Variants in LMO3 observed in about 807,000 individuals in gnomAD.
The protein encoded by LMO3 is LIM domain only 3, also known as LIM domain only protein 3.
In LMO3, 2 loss-of-function variants were observed where a neutral mutation model predicts 15.8. That is an observed-to-expected ratio of 0.13 (90% CI 0.05 to 0.40). The LOEUF (loss-of-function observed/expected upper bound fraction) is 0.40, where lower values mean the gene tolerates loss of function less well. Ranked by LOEUF, LMO3 falls within the 10% of genes least tolerant of loss-of-function variation. The probability of loss-of-function intolerance (pLI) is 0.99; values close to 1 mark genes in which losing one functional copy is unlikely to be tolerated. For synonymous variants in LMO3, 62 were observed against 63.8 expected (o/e 0.97, Z 0.13); for missense variants, 86 against 182.2 (o/e 0.47, Z 3.04).
rs1248793873 is a variant in LMO3, at chr12:16,603,631, T to C, written c.-9+2435A>G. Among the ~76,000 whole-genome samples, 1 of 152,158 alleles carries C rather than the reference T, an allele frequency of 6.6e-6. No homozygotes were observed. Among genetic ancestry groups the C allele is most frequent in the Non-Finnish European group, 1.5e-5 (1 of 68,014 alleles). ...ATAATTAAAAAAAAGACATAAATAATAGCCTGTGCAGTGTGGTGTGCAGAA... is the reference window on the plus strand; with the variant it reads ...ATAATTAAAAAAAAGACATAAATAACAGCCTGTGCAGTGTGGTGTGCAGAA... On this transcript the variant is annotated intron_variant, in intron 1 of 3. Coordinates refer to ENST00000537304, the MANE Select transcript of LMO3 (RefSeq NM_018640.5). The surrounding 1 kb of genome is among the most constrained non-coding windows in gnomAD (Gnocchi z 4.9).
chr12:16,576,931 A>G lies in LMO3; in HGVS notation c.207-16393T>C, dbSNP rs1043208612. Among the ~76,000 whole-genome samples, 2 of 152,206 alleles carry G rather than the reference A, an allele frequency of 1.3e-5. No homozygotes were observed. The highest frequency in any genetic ancestry group is 3.8e-4 in the East Asian group (2 of 5,198). ...CCCCACGTTCTTTCCTAAACTATCT[A>G]TTTTAGAAATAACCCAATAAGGGCA... On this transcript the variant is annotated intron_variant, in intron 2 of 3. Coordinates refer to ENST00000537304, the MANE Select transcript of LMO3 (RefSeq NM_018640.5). This position sits in a 1 kb window ranked among gnomAD's most constrained non-coding sequence, Gnocchi z 4.1.
At chr12:16,605,840 C>T in intron 1 of LMO3, 1 of 1,534,700 alleles carries the variant, frequency 6.5e-7, no homozygotes, top group Non-Finnish European at 8.7e-7. Context: ...TTTCATGTCT[C>T]ATCATAAAAA....
At chr12:16,556,810 C>T (rs776613593) in intron 3 of LMO3, among the ~76,000 whole-genome samples, 4 of 152,004 alleles carry the variant, frequency 2.6e-5, no homozygotes, top group South Asian at 4.2e-4. Context: ...GCTGACTTCC[C>T]GCATTAGTTT....
chr12:16,610,095 G>T (rs1404253630), upstream of LMO3: 2 of 151,492 alleles, frequency 1.3e-5, no homozygotes, highest in Non-Finnish European at 2.9e-5. Flanking sequence ...ACAAATGAAA[G>T]AAACCTCTGC....
At position 16,596,905 on chromosome 12, in the gene LMO3, T is replaced by C. The variant is rs956594164; in HGVS notation, c.206+3750A>G. 1.3e-5 allele frequency among the ~76,000 whole-genome samples: 2 copies of C among 151,714 alleles called. No individual in the cohort carries two copies. The highest frequency in any genetic ancestry group is 3.0e-5 in the Non-Finnish European group (2 of 67,712). ...TATCTAATTTGTCATAAGTTACTCT[T>C]CAAAAAAATAAAAATAATTATAAAT... On this transcript the variant is annotated intron_variant, in intron 2 of 3. Transcript: ENST00000537304. The surrounding 1 kb of genome is among the most constrained non-coding windows in gnomAD (Gnocchi z 4.3).
chr12:16,601,742 C>T (rs1215751442), intron 1 of LMO3: 1 of 151,864 alleles, frequency 6.6e-6, no homozygotes, highest in Non-Finnish European at 1.5e-5. Context: ...CTATGCTAAA[C>T]ATAGAAACAT....
intron 2 of LMO3, among the ~76,000 whole-genome samples, chr12:16,580,813 G>T (rs570580435): frequency 2.6e-5 from 4 of 152,208 alleles, no homozygotes; most frequent in Middle Eastern, 3.4e-3. Flanking sequence ...AATTTTTCAC[G>T]ATGTTCTTAT....
At chr12:16,577,407 A>G (rs1432789979) in intron 2 of LMO3, among the ~76,000 whole-genome samples, 1 of 152,146 alleles carries the variant, frequency 6.6e-6, no homozygotes, top group Admixed American at 6.5e-5. Context: ...GTTGGCAGTT[A>G]TTCTTCATTA....
In LMO3 at chr12:16,596,973, G is replaced by T. The variant is rs535753437; in HGVS notation, c.206+3682C>A. On this transcript the variant is annotated intron_variant, in intron 2 of 3. Coordinates refer to ENST00000537304, the MANE Select transcript of LMO3 (RefSeq NM_018640.5). This position sits in a 1 kb window ranked among gnomAD's most constrained non-coding sequence, Gnocchi z 4.3. The stretch of plus-strand genomic sequence containing the variant: ...AACAGATACATTTCTTGGTCTGCCT[G>T]GCATATAAATATTGACTGGGTAGAT... Among the ~76,000 whole-genome samples the T allele has an allele frequency of 1.1e-4, 17 of 151,796 alleles. No individual in the cohort carries two copies. The highest frequency in any genetic ancestry group is 2.1e-4 in the Non-Finnish European group (14 of 67,706).
chr12:16,605,130 T>C, intron 1 of LMO3: 1 of 1,408,952 alleles, frequency 7.1e-7, no homozygotes, highest in Non-Finnish European at 9.2e-7. Context: ...CCTCGCAGTG[T>C]GCAAAATGAT....
At chr12:16,557,934 C>A (rs1434925753) in intron 3 of LMO3, among the ~76,000 whole-genome samples, 1 of 151,938 alleles carries the variant, frequency 6.6e-6, no homozygotes, top group African/African-American at 2.4e-5. Flanking sequence ...TCATAAGGTC[C>A]ATTTTTATAT....
chr12:16,581,799 T>C (rs1436943600), intron 2 of LMO3, among the ~76,000 whole-genome samples: 1 of 152,098 alleles, frequency 6.6e-6, no homozygotes, highest in Non-Finnish European at 1.5e-5. Flanking sequence ...TATATTTTAA[T>C]AATTGTATTA....
chr12:16,589,513 T>A lies in LMO3; in HGVS notation c.206+11142A>T, dbSNP rs1245196533. Reference sequence around the variant, plus strand: ...AATTAATTTAAAATCTCCTGAAAAATTATGTCTTTTTTAGGTTGCTGCAGA... The same window carrying A: ...AATTAATTTAAAATCTCCTGAAAAAATATGTCTTTTTTAGGTTGCTGCAGA... On this transcript the variant is annotated intron_variant, in intron 2 of 3. Coordinates refer to ENST00000537304, the MANE Select transcript of LMO3 (RefSeq NM_018640.5). The surrounding 1 kb of genome is among the most constrained non-coding windows in gnomAD (Gnocchi z 4.2). The A allele has an allele frequency of 6.6e-6, 1 of 152,070 alleles. No homozygotes were observed. The highest frequency in any genetic ancestry group is 1.5e-5 in the Non-Finnish European group (1 of 67,994). 9.4% of individuals were successfully genotyped at this position (152,070 alleles called of 1,614,324 possible). A position where few individuals can be genotyped will look rare whatever the true frequency, so the allele number is the denominator to read the frequency against.
Position 16,555,823 on chromosome 12 carries a change from C to T in LMO3, c.333-4496G>A, listed in dbSNP as rs2137284134. 6.6e-6 allele frequency among the ~76,000 whole-genome samples: 1 copy of T among 152,276 alleles called. No individual in the cohort carries two copies. Among genetic ancestry groups the T allele is most frequent in the Admixed American group, 6.5e-5 (1 of 15,294 alleles). On this transcript the variant is annotated intron_variant, in intron 3 of 3. Coordinates refer to ENST00000537304, the MANE Select transcript of LMO3 (RefSeq NM_018640.5). This position sits in a 1 kb window ranked among gnomAD's most constrained non-coding sequence, Gnocchi z 5.5. ...AATTCCTTTCCTCACTGCTCCCTGG[C>T]TCCCTCATCTTCCCCAACCCCGAGC...
chr12:16,604,415 T>C lies in LMO3; in HGVS notation c.-9+1651A>G, dbSNP rs1168879838. Among the ~76,000 whole-genome samples, 1 of 151,948 alleles carries C rather than the reference T, an allele frequency of 6.6e-6. No individual in the cohort carries two copies. The highest frequency in any genetic ancestry group is 6.6e-5 in the Admixed American group (1 of 15,258). ...CCAATTTGATTCCCTTTTTCTCCAATGCAGCTGCAAGGCTCAGAGATACTG... is the reference window on the plus strand; with the variant it reads ...CCAATTTGATTCCCTTTTTCTCCAACGCAGCTGCAAGGCTCAGAGATACTG... On this transcript the variant is annotated intron_variant, in intron 1 of 3. Coordinates refer to ENST00000537304, the MANE Select transcript of LMO3 (RefSeq NM_018640.5). The surrounding 1 kb of genome is among the most constrained non-coding windows in gnomAD (Gnocchi z 5.3).
In LMO3 at chr12:16,551,148, T is replaced by C. The variant is rs1295571854; in HGVS notation, c.*74A>G. On this transcript the variant is annotated 3_prime_UTR_variant, in exon 4 of 4. Coordinates refer to ENST00000537304, the MANE Select transcript of LMO3 (RefSeq NM_018640.5). ...CTATTCAGTAGGTTCCTGTGTCAAT[T>C]CTTATGTACATGTGGAGCAAAAAAG... is the stretch of plus-strand genomic sequence containing the variant. 2 of 968,010 alleles carry C rather than the reference T, an allele frequency of 2.1e-6. No homozygotes were observed. The highest frequency in any genetic ancestry group is 4.8e-5 in the East Asian group (2 of 41,818). The allele number at this position is 968,010 out of a possible 1,614,324, so 60.0% of individuals were successfully genotyped here.
In LMO3 at chr12:16,599,606, A is replaced by G. The variant is rs937129164; in HGVS notation, c.206+1049T>C. The G allele has an allele frequency of 6.6e-6, 1 of 152,210 alleles. No homozygotes were observed. Among genetic ancestry groups the G allele is most frequent in the Non-Finnish European group, 1.5e-5 (1 of 68,046 alleles). 9.4% of individuals were successfully genotyped at this position (152,210 alleles called of 1,614,324 possible). On this transcript the variant is annotated intron_variant, in intron 2 of 3. Coordinates refer to ENST00000537304, the MANE Select transcript of LMO3 (RefSeq NM_018640.5). This position sits in a 1 kb window ranked among gnomAD's most constrained non-coding sequence, Gnocchi z 4.1. ...AATCGCTTAATGTCAGACCAGAAAA[A>G]TGATAAATTGTATTAAATATGAAAA... is the stretch of plus-strand genomic sequence containing the variant.
In LMO3 at chr12:16,596,475, A is replaced by T. The variant is rs1479920834; in HGVS notation, c.206+4180T>A. On this transcript the variant is annotated intron_variant, in intron 2 of 3. Transcript: ENST00000537304. This position sits in a 1 kb window ranked among gnomAD's most constrained non-coding sequence, Gnocchi z 4.3. ...TCATTCATAGAGATACAAGATACAT[A>T]CAGCCTATATAGACTTAATGCTTAA... Among the ~76,000 whole-genome samples, 6 of 151,688 alleles carry T rather than the reference A, an allele frequency of 4.0e-5. No homozygotes were observed. The highest frequency in any genetic ancestry group is 1.2e-4 in the African/African-American group (5 of 41,420).
rs551424948 is a variant in LMO3, at chr12:16,589,886, G to A, written c.206+10769C>T. On this transcript the variant is annotated intron_variant, in intron 2 of 3. Coordinates refer to ENST00000537304, the MANE Select transcript of LMO3 (RefSeq NM_018640.5). The surrounding 1 kb of genome is among the most constrained non-coding windows in gnomAD (Gnocchi z 4.2). ...CAGACCACAGTAGGAATTAAGCCTC[G>A]TAAAGCTCTCTGGCTACTGTCTCCG... Among the ~76,000 whole-genome samples, 2 of 152,178 alleles carry A rather than the reference G, an allele frequency of 1.3e-5. No homozygotes were observed. The highest frequency in any genetic ancestry group is 2.9e-5 in the Non-Finnish European group (2 of 67,990).
Sources: allele counts gnomAD v4.1 joint callset (sites outside exome capture counted in the v4.1 genomes callset), GRCh38; gene constraint gnomAD v4.1.1; non-coding constraint Gnocchi (gnomAD v3.1); transcripts MANE v1.5; gene names NCBI Gene and HGNC (gene_info 2026-07-23, HGNC 2026-07-21).